The following KCNMB2 variants were observed in gnomAD, a reference collection of about 807,000 sequenced individuals.
KCNMB2 encodes potassium calcium-activated channel subfamily M regulatory beta subunit 2.
In KCNMB2, 9 loss-of-function variants were observed where a neutral mutation model predicts 24.5. That is an observed-to-expected ratio of 0.37 (90% CI 0.22 to 0.64). The LOEUF (loss-of-function observed/expected upper bound fraction) is 0.64. Ranked by LOEUF, KCNMB2 falls within the 30% of genes least tolerant of loss-of-function variation. The pLI, the probability that KCNMB2 is intolerant of heterozygous loss-of-function variation, is 0.63. For synonymous variants in KCNMB2, 109 were observed against 104.4 expected (o/e 1.04, Z -0.27); for missense variants, 226 against 284.3 (o/e 0.79, Z 1.47).
At chr3:178,688,461 T>G (rs1721546647) in intron 1 of KCNMB2, among the ~76,000 whole-genome samples, 1 of 152,140 alleles carries the variant, frequency 6.6e-6, no homozygotes, top group African/African-American at 2.4e-5. Context: ...GAATTTATAA[T>G]GGGAAGAGAC....
intron 1 of KCNMB2, among the ~76,000 whole-genome samples, chr3:178,798,470 A>G (rs1713642776): frequency 1.3e-5 from 2 of 152,184 alleles, no homozygotes; most frequent in African/African-American, 4.8e-5. Flanking sequence ...ACATGGAATC[A>G]ACCCAAATGC....
chr3:178,678,923 G>C (rs2108591646), intron 1 of KCNMB2, among the ~76,000 whole-genome samples: 1 of 151,952 alleles, frequency 6.6e-6, no homozygotes. Context: ...AAATCCTTCT[G>C]TTATTCTCTT....
intron 1 of KCNMB2, among the ~76,000 whole-genome samples, chr3:178,613,899 G>C (rs1017656027): frequency 1.3e-4 from 20 of 152,042 alleles, no homozygotes; most frequent in Middle Eastern, 3.4e-3. Flanking sequence ...TTATCCGTTT[G>C]AATAAGCTTT....
intron 1 of KCNMB2, among the ~76,000 whole-genome samples, chr3:178,661,998 G>A (rs892875432): frequency 1.3e-5 from 2 of 152,080 alleles, no homozygotes; most frequent in Non-Finnish European, 2.9e-5. Flanking sequence ...ACAATAGATG[G>A]CATTGAAATT....
At chr3:178,753,188 A>G (rs61796924) in intron 1 of KCNMB2, among the ~76,000 whole-genome samples, 1 of 152,222 alleles carries the variant, frequency 6.6e-6, no homozygotes, top group Non-Finnish European at 1.5e-5. Context: ...TTATGTCTGT[A>G]GTAACCGTAG....
intron 1 of KCNMB2, among the ~76,000 whole-genome samples, chr3:178,788,425 A>G (rs770823969): frequency 4.6e-5 from 7 of 152,196 alleles, no homozygotes; most frequent in Admixed American, 6.5e-5. Flanking sequence ...AAAAAAATCA[A>G]ACAGAAGGGC....
At chr3:178,785,365 A>T (rs1050546571) in intron 1 of KCNMB2, among the ~76,000 whole-genome samples, 2 of 152,018 alleles carry the variant, frequency 1.3e-5, no homozygotes, top group African/African-American at 4.8e-5. Flanking sequence ...TATCCTATAA[A>T]TTTACATGAT....
chr3:178,606,786 T>A (rs1398328553), intron 1 of KCNMB2, among the ~76,000 whole-genome samples: 1 of 152,162 alleles, frequency 6.6e-6, no homozygotes, highest in East Asian at 1.9e-4. Flanking sequence ...TAAGGGGCTT[T>A]GGTAGGAGAG....
chr3:178,791,705 T>A (rs1457052835), intron 1 of KCNMB2, among the ~76,000 whole-genome samples: 1 of 151,950 alleles, frequency 6.6e-6, no homozygotes, highest in Non-Finnish European at 1.5e-5. Context: ...TTCCAAAGGT[T>A]AGGAATAAAG....
At chr3:178,837,574 G>C (rs1006966211) in intron 4 of KCNMB2, among the ~76,000 whole-genome samples, 5 of 152,162 alleles carry the variant, frequency 3.3e-5, no homozygotes, top group African/African-American at 1.2e-4. Flanking sequence ...TGGTTTATAT[G>C]TATGTTGAAA....
intron 1 of KCNMB2, among the ~76,000 whole-genome samples, chr3:178,758,165 G>GATAT (rs375000460): frequency 2.4e-3 from 9 of 3,780 alleles, no homozygotes; most frequent in East Asian, 9.6e-3. Flanking sequence ...TATCCAAGAG[G>GATAT]ATATATATAT....
intron 1 of KCNMB2, among the ~76,000 whole-genome samples, chr3:178,617,389 T>C (rs189284795): frequency 6.7e-6 from 1 of 149,874 alleles, no homozygotes; most frequent in Non-Finnish European, 1.5e-5. Context: ...AAACCGAATC[T>C]CTACTAAAAA....
intron 1 of KCNMB2, among the ~76,000 whole-genome samples, chr3:178,562,852 G>A (rs1337168729): frequency 6.6e-6 from 1 of 152,182 alleles, no homozygotes. Flanking sequence ...AGTGAAAGCG[G>A]GACAAAGACA....
At position 178,638,678 on chromosome 3, in the gene KCNMB2, T is replaced by C. The variant is rs569997119; in HGVS notation, c.-68+101967T>C. 2.3e-4 allele frequency among the ~76,000 whole-genome samples: 35 copies of C among 152,300 alleles called. No homozygotes were observed. The South Asian group carries it at 3.7e-3, about 16-fold the overall frequency. On this transcript the variant is annotated intron_variant, in intron 1 of 4. Transcript: ENST00000452583. ...ATATATTTTGGCCCCAATTCATATG[T>C]ATTGAGGTTGAAGTCTCATCAGAGG...
chr3:178,621,037 T>C (rs1298588803), intron 1 of KCNMB2, among the ~76,000 whole-genome samples: 1 of 152,166 alleles, frequency 6.6e-6, no homozygotes, highest in African/African-American at 2.4e-5. Context: ...AGTTTTTTAG[T>C]AAGGCAATGC....
chr3:178,755,639 A>G (rs1377462451), intron 1 of KCNMB2, among the ~76,000 whole-genome samples: 1 of 152,230 alleles, frequency 6.6e-6, no homozygotes, highest in Admixed American at 6.5e-5. Flanking sequence ...TGTGGATGGC[A>G]AATTTTTGAC....
chr3:178,589,765 A>T (rs1717593267), intron 1 of KCNMB2, among the ~76,000 whole-genome samples: 1 of 152,144 alleles, frequency 6.6e-6, no homozygotes, highest in South Asian at 2.1e-4. Flanking sequence ...ATTTGAAAAG[A>T]GATTGTGTGA....
intron 4 of KCNMB2, among the ~76,000 whole-genome samples, chr3:178,837,427 T>C (rs1238763014): frequency 1.3e-5 from 2 of 152,148 alleles, no homozygotes; most frequent in African/African-American, 4.8e-5. Flanking sequence ...CCAGATCTCC[T>C]GAGCACAAGT....
At chr3:178,835,603 T>C (rs1022712404) in intron 4 of KCNMB2, among the ~76,000 whole-genome samples, 1 of 152,220 alleles carries the variant, frequency 6.6e-6, no homozygotes, top group African/African-American at 2.4e-5. Flanking sequence ...ATATGCTTAA[T>C]AAATATGTGC....
Sources: gnomAD v4.1 joint callset for allele counts (sites outside exome capture counted in the v4.1 genomes callset) on GRCh38, gnomAD v4.1.1 for gene constraint, MANE v1.5 for transcripts, NCBI Gene and HGNC (gene_info 2026-07-23, HGNC 2026-07-21) for gene names.